CHST9: variants seen among roughly 807,000 people sequenced by gnomAD.
CHST9 encodes GalNAc-4-sulfotransferase 2.
CHST9 carries 41 observed loss-of-function variants against 44.4 expected under a neutral mutation model. The ratio of observed to expected loss-of-function variants is 0.92; its 90% CI spans 0.72 to 1.20. CHST9 has a LOEUF of 1.20. Among genes scored for constraint, CHST9 ranks in the 50% most tolerant of loss-of-function variants. CHST9 has a pLI of 0.00. For missense variants in CHST9, 504 were observed against 516.5 expected (o/e 0.98, Z 0.23); for synonymous variants, 171 against 178.4 (o/e 0.96, Z 0.33).
chr18:26,965,238 G>A (rs918020366), intron 4 of CHST9, among the ~76,000 whole-genome samples: 2 of 152,108 alleles, frequency 1.3e-5, no homozygotes, highest in South Asian at 2.1e-4. Flanking sequence ...TGCACTGTGC[G>A]GCCTGCAATG....
At chr18:26,967,489 A>G (rs1003393918) in intron 4 of CHST9, among the ~76,000 whole-genome samples, 3 of 152,156 alleles carry the variant, frequency 2.0e-5, no homozygotes, top group African/African-American at 7.2e-5. Flanking sequence ...CAATAACTGC[A>G]TTGTATTCTA....
At chr18:27,139,742 C>T (rs2058549281) in intron 2 of CHST9, among the ~76,000 whole-genome samples, 1 of 152,048 alleles carries the variant, frequency 6.6e-6, no homozygotes, top group African/African-American at 2.4e-5. Flanking sequence ...TCAGGGAAAG[C>T]ACTTCTATCA....
Position 26,944,241 on chromosome 18 carries a change from A to T in CHST9, c.240+88T>A. ...ATATTGCTCATAACTAACAGCTAAC[A>T]TTACCCCCTGCCTTTTTTATATTTA... On this transcript the variant is annotated intron_variant, in intron 5 of 5. Transcript: ENST00000618847. 3 of 1,000,978 alleles carry T rather than the reference A, an allele frequency of 3.0e-6. No individual in the cohort carries two copies. The South Asian group carries it at 4.0e-5, about 13-fold the overall frequency. The allele number at this position is 1,000,978 out of a possible 1,614,324, so 62.0% of individuals were successfully genotyped here.
At chr18:26,936,696 ATCT>A (rs953967470) in intron 5 of CHST9, 5 of 152,162 alleles carry the variant, frequency 3.3e-5, no homozygotes, top group African/African-American at 1.2e-4. Context: ...TACTCAGTTC[ATCT>A]TCTGGTACAG....
In CHST9 at chr18:26,916,740, T is replaced by G; in HGVS notation, c.851A>C (p.Glu284Ala). 1 of 1,613,908 alleles carries G rather than the reference T, an allele frequency of 6.2e-7. No homozygotes were observed. Among genetic ancestry groups the G allele is most frequent in the Non-Finnish European group, 8.5e-7 (1 of 1,179,836 alleles). Residue 284 changes from glutamate (E) to alanine (A), a missense_variant, in exon 6 of 6, where the codon GAA (glutamate) becomes GCA (alanine). Transcript: ENST00000618847. ...GTCCCTAAAGGCTGATACTAATCTTTCCATGGGATCACGAACAAACACAGC... is the reference window on the plus strand; with the variant it reads ...GTCCCTAAAGGCTGATACTAATCTTGCCATGGGATCACGAACAAACACAGC... ...TKAVFVRDPM[E>A]RLVSAFRDKF... is the part of the protein sequence containing the mutation.
chr18:27,067,754 A>G (rs911080241), intron 2 of CHST9, among the ~76,000 whole-genome samples: 22 of 152,246 alleles, frequency 1.4e-4, no homozygotes, highest in Middle Eastern at 3.4e-3. Context: ...GATGGCCCTG[A>G]TGATTCTAGG....
In CHST9 at chr18:26,913,518, C is replaced by A. The variant is rs1177796032; in HGVS notation, c.*2741G>T. On this transcript the variant is annotated 3_prime_UTR_variant, in exon 6 of 6. Transcript: ENST00000618847. ...TTTGGATTTAATTGCCAACTTGTTA[C>A]CCTGATAGTAATTCCAGACAGGGGA... 1 of 152,142 alleles carries A rather than the reference C, an allele frequency of 6.6e-6. No individual in the cohort carries two copies. Among genetic ancestry groups the A allele is most frequent in the East Asian group, 1.9e-4 (1 of 5,200 alleles). 9.4% of individuals were successfully genotyped at this position (152,142 alleles called of 1,614,324 possible).
At chr18:26,999,394 A>T (rs1313457823) in intron 4 of CHST9, among the ~76,000 whole-genome samples, 1 of 152,218 alleles carries the variant, frequency 6.6e-6, no homozygotes, top group African/African-American at 2.4e-5. Context: ...TTCTGGAAGG[A>T]TGTAGTCCAT....
chr18:27,098,490 G>A (rs1193156562), intron 2 of CHST9, among the ~76,000 whole-genome samples: 1 of 152,028 alleles, frequency 6.6e-6, no homozygotes, highest in Non-Finnish European at 1.5e-5. Flanking sequence ...CTATTATAAA[G>A]ACACATGCAC....
intron 5 of CHST9, among the ~76,000 whole-genome samples, chr18:26,928,913 G>A (rs2055826252): frequency 6.6e-6 from 1 of 152,170 alleles, no homozygotes; most frequent in Non-Finnish European, 1.5e-5. Context: ...GGAAGGCACA[G>A]CTAGCACTCT....
intron 2 of CHST9, among the ~76,000 whole-genome samples, chr18:27,118,111 G>C (rs993710300): frequency 1.3e-5 from 2 of 152,110 alleles, no homozygotes; most frequent in African/African-American, 2.4e-5. Context: ...GTATTTTACT[G>C]TTTTAATTTG....
At chr18:27,117,420 A>G (rs2058335572) in intron 2 of CHST9, among the ~76,000 whole-genome samples, 1 of 152,188 alleles carries the variant, frequency 6.6e-6, no homozygotes, top group African/African-American at 2.4e-5. Context: ...CATAGTTTAC[A>G]TTGAGATTCA....
intron 4 of CHST9, among the ~76,000 whole-genome samples, chr18:26,999,268 G>A (rs191868938): frequency 2.4e-3 from 358 of 152,266 alleles, no homozygotes; most frequent in Middle Eastern, 3.4e-3. Flanking sequence ...AAATATGACT[G>A]TGACAACTTT....
chr18:27,155,319 G>A (rs2058690993), intron 1 of CHST9, among the ~76,000 whole-genome samples: 1 of 152,104 alleles, frequency 6.6e-6, no homozygotes, highest in African/African-American at 2.4e-5. Context: ...ATAATTCTTT[G>A]TTGAAAGATT....
chr18:27,003,776 T>C (rs1322645476), intron 4 of CHST9, among the ~76,000 whole-genome samples: 1 of 152,150 alleles, frequency 6.6e-6, no homozygotes, highest in Non-Finnish European at 1.5e-5. Context: ...GTTTTTTTGC[T>C]ATACTTTTCA....
intron 4 of CHST9, among the ~76,000 whole-genome samples, chr18:26,997,154 C>A (rs528698965): frequency 6.6e-6 from 1 of 152,152 alleles, no homozygotes; most frequent in Non-Finnish European, 1.5e-5. Flanking sequence ...ATGTTACTGA[C>A]AGGGCTATAG....
intron 2 of CHST9, among the ~76,000 whole-genome samples, chr18:27,053,282 G>GAAGGAGAAGGAGAAGGAGAAGGAC (rs2057608095): frequency 2.2e-5 from 3 of 134,244 alleles, no homozygotes; most frequent in African/African-American, 5.7e-5. Flanking sequence ...AGGAGAAGGA[G>GAAGGAGAAGGAGAAGGAGAAGGAC]AAGGAGAAGG....
intron 2 of CHST9, among the ~76,000 whole-genome samples, chr18:27,086,187 T>A (rs2058010743): frequency 6.6e-6 from 1 of 152,126 alleles, no homozygotes; most frequent in African/African-American, 2.4e-5. Context: ...GCCTGGATGA[T>A]GAAATAGCCT....
rs60705060 is a variant in CHST9, at chr18:27,137,304, A to ATG, written c.121+5383_121+5384dup. On this transcript the variant is annotated intron_variant, in intron 2 of 5. Transcript: ENST00000618847. ...TCTGTATATATTGATTTATTTATAT[A>ATG]TGTGTGTGTGTGTGTGTGTGTGTGT... Among the ~76,000 whole-genome samples, 746 of 145,362 alleles carry ATG rather than the reference A, an allele frequency of 5.1e-3. 5 individuals carry two copies. Among genetic ancestry groups the ATG allele is most frequent in the African/African-American group, 0.014 (562 of 39,294 alleles).
Sources: allele counts gnomAD v4.1 joint callset (sites outside exome capture counted in the v4.1 genomes callset), GRCh38; gene constraint gnomAD v4.1.1; transcripts MANE v1.5; gene names NCBI Gene and HGNC (gene_info 2026-07-23, HGNC 2026-07-21).